The following CAB39 variants were observed in gnomAD, a reference collection of about 807,000 sequenced individuals.
The protein encoded by CAB39 is calcium binding protein 39.
Under a neutral mutation model 40.0 loss-of-function variants are expected in CAB39, and 8 were observed. That is an observed-to-expected ratio of 0.20 (90% CI 0.12 to 0.36). The LOEUF is 0.36. Among genes scored for constraint, CAB39 ranks in the 10% least tolerant of loss-of-function variants. The pLI is 1.00. For synonymous variants in CAB39, 156 were observed against 141.6 expected, an observed-to-expected ratio of 1.10 and a Z score of -0.72; for missense variants, 270 against 401.1, an observed-to-expected ratio of 0.67 and a Z score of 2.79.
At chr2:230,757,904 C>T (rs1054454882) in intron 1 of CAB39, among the ~76,000 whole-genome samples, 17 of 152,036 alleles carry the variant, frequency 1.1e-4, no homozygotes, top group African/African-American at 4.1e-4. Flanking sequence ...TCCCATCTGG[C>T]TTGTAGAGCG....
chr2:230,718,705 T>G (rs1694395630), intron 1 of CAB39, among the ~76,000 whole-genome samples: 1 of 152,188 alleles, frequency 6.6e-6, no homozygotes, highest in Non-Finnish European at 1.5e-5. Flanking sequence ...ATGATAGGCT[T>G]TTCCAGGGGG....
chr2:230,725,644 A>T (rs762460223), intron 1 of CAB39, among the ~76,000 whole-genome samples: 4 of 152,196 alleles, frequency 2.6e-5, no homozygotes, highest in Non-Finnish European at 5.9e-5. Context: ...CTTGCAACCT[A>T]CCATGCTGCC....
At chr2:230,815,596 G>T (rs529233938) in intron 7 of CAB39, among the ~76,000 whole-genome samples, 2 of 152,186 alleles carry the variant, frequency 1.3e-5, no homozygotes, top group East Asian at 3.8e-4. Flanking sequence ...AGCTGGGGCC[G>T]GGGGTGCAGG....
At chr2:230,726,623 A>G (rs977693922) in intron 1 of CAB39, among the ~76,000 whole-genome samples, 1 of 152,176 alleles carries the variant, frequency 6.6e-6, no homozygotes, top group Admixed American at 6.5e-5. Flanking sequence ...GGAAGGAACT[A>G]GGAACTGTTA....
chr2:230,809,904 CT>C (rs1696274987), intron 5 of CAB39, among the ~76,000 whole-genome samples: 1 of 152,190 alleles, frequency 6.6e-6, no homozygotes, highest in Non-Finnish European at 1.5e-5. Flanking sequence ...TTTACCACTA[CT>C]GTTAGCTTTG....
At chr2:230,775,047 CTCT>C (rs1695561585) in intron 2 of CAB39, among the ~76,000 whole-genome samples, 1 of 151,980 alleles carries the variant, frequency 6.6e-6, no homozygotes, top group Non-Finnish European at 1.5e-5. Flanking sequence ...GTCATTTAAT[CTCT>C]TCTTGTAGAA....
chr2:230,791,534 G>GT (rs1559612291), intron 3 of CAB39, among the ~76,000 whole-genome samples: 1 of 152,192 alleles, frequency 6.6e-6, no homozygotes, highest in African/African-American at 2.4e-5. Context: ...TTAAATTAGT[G>GT]TAACATTTAA....
intron 1 of CAB39, among the ~76,000 whole-genome samples, chr2:230,724,681 T>TA (rs950882539): frequency 5.4e-5 from 2 of 36,874 alleles, no homozygotes; most frequent in African/African-American, 2.4e-4. Context: ...AAACTCCATC[T>TA]AAAAAAAACA....
At chr2:230,811,105 C>T (rs765440851) in intron 6 of CAB39, among the ~76,000 whole-genome samples, 1 of 152,122 alleles carries the variant, frequency 6.6e-6, no homozygotes, top group African/African-American at 2.4e-5. Context: ...GATAGGTACC[C>T]GTAAAGAGGT....
intron 1 of CAB39, among the ~76,000 whole-genome samples, chr2:230,739,125 A>G (rs1694834179): frequency 6.6e-6 from 1 of 152,240 alleles, no homozygotes; most frequent in African/African-American, 2.4e-5. Context: ...ATTTACCGAA[A>G]TGTGGGTGAG....
At chr2:230,777,996 C>T (rs898842035) in intron 2 of CAB39, among the ~76,000 whole-genome samples, 4 of 152,142 alleles carry the variant, frequency 2.6e-5, no homozygotes, top group African/African-American at 9.7e-5. Context: ...CTACCAGTGG[C>T]GTATCTAAAA....
At chr2:230,784,940 T>C (rs1695762828) in intron 2 of CAB39, among the ~76,000 whole-genome samples, 1 of 152,198 alleles carries the variant, frequency 6.6e-6, no homozygotes. Flanking sequence ...CTTTATCCTA[T>C]TGGCTATTAG....
In CAB39 at chr2:230,745,456, C is replaced by T. The variant is rs80206476; in HGVS notation, c.-43-14503C>T. On this transcript the variant is annotated intron_variant, in intron 1 of 8. Transcript: ENST00000258418. Reference sequence around the variant, plus strand: ...CTCAGAGGAGCTCATGGTCCTCAGACCTATGCTTGCACTCCGGAGACTTGG... The same window carrying T: ...CTCAGAGGAGCTCATGGTCCTCAGATCTATGCTTGCACTCCGGAGACTTGG... Among the ~76,000 whole-genome samples the T allele has an allele frequency of 4.2e-3, 639 of 152,302 alleles. 1 individual carries two copies. Among genetic ancestry groups the T allele is most frequent in the African/African-American group, 0.014 (586 of 41,554 alleles).
chr2:230,786,966 G>C (rs1695805162), intron 2 of CAB39, among the ~76,000 whole-genome samples: 1 of 152,196 alleles, frequency 6.6e-6, no homozygotes, highest in Non-Finnish European at 1.5e-5. Flanking sequence ...CGATAATGAA[G>C]TGTAGTAACA....
At chr2:230,752,201 C>T (rs1036720742) in intron 1 of CAB39, 1 of 151,508 alleles carries the variant, frequency 6.6e-6, no homozygotes, top group South Asian at 2.1e-4. Flanking sequence ...TAAGCATGGC[C>T]CCTGCACAAG....
chr2:230,799,863 G>T (rs1336646974), intron 5 of CAB39, among the ~76,000 whole-genome samples: 1 of 152,134 alleles, frequency 6.6e-6, no homozygotes, highest in African/African-American at 2.4e-5. Flanking sequence ...AGTGGCGCAT[G>T]CCTGTAATCA....
At chr2:230,817,930 A>G in intron 8 of CAB39, 33 bp downstream of exon 8, 1 of 1,573,842 alleles carries the variant, frequency 6.4e-7, no homozygotes, top group Non-Finnish European at 8.6e-7. Flanking sequence ...GATACTGTCC[A>G]CTGGAATTGT....
intron 1 of CAB39, among the ~76,000 whole-genome samples, chr2:230,750,336 G>A (rs1027442879): frequency 7.2e-5 from 11 of 152,136 alleles, no homozygotes; most frequent in African/African-American, 2.4e-4. Flanking sequence ...ATAAAGTGAG[G>A]CCACCTCTGC....
intron 4 of CAB39, 152 bp from the exon 5 acceptor site, chr2:230,798,577 C>G: frequency 1.7e-6 from 1 of 588,906 alleles, no homozygotes. Context: ...TGCTCTGCTC[C>G]GACTGAAATA....
Sources: gnomAD v4.1 joint callset for allele counts (sites outside exome capture counted in the v4.1 genomes callset) on GRCh38, gnomAD v4.1.1 for gene constraint, MANE v1.5 for transcripts, NCBI Gene and HGNC (gene_info 2026-07-23, HGNC 2026-07-21) for gene names.